The following SLC24A2 variants were observed in gnomAD, a reference collection of about 807,000 sequenced individuals.
The protein encoded by SLC24A2 is sodium/potassium/calcium exchanger 2.
In SLC24A2, 36 loss-of-function variants were observed where a neutral mutation model predicts 62.0. That is an observed-to-expected ratio of 0.58 (90% confidence interval 0.44 to 0.77). The LOEUF is 0.77. Among genes scored for constraint, SLC24A2 ranks in the 30% least tolerant of loss-of-function variants. The pLI is 0.00. For synonymous variants in SLC24A2, 358 were observed against 294.0 expected, an observed-to-expected ratio of 1.22 and a Z score of -2.23; for missense variants, 846 against 817.9, an observed-to-expected ratio of 1.03 and a Z score of -0.42.
chr9:20,237,867 C>T, the SLC24A2 span, among the ~76,000 whole-genome samples: 1 of 152,134 alleles, frequency 6.6e-6, no homozygotes, highest in Non-Finnish European at 1.5e-5. Flanking sequence ...TCCTCATTTC[C>T]CTAGTGTTGA....
intron 2 of SLC24A2, among the ~76,000 whole-genome samples, chr9:19,760,901 C>A (rs1822301694): frequency 7.9e-6 from 1 of 126,702 alleles, no homozygotes; most frequent in South Asian, 2.6e-4. Flanking sequence ...CATCACACAC[C>A]AGGGCCTGTT....
chr9:19,602,292 C>G (rs745708826), intron 4 of SLC24A2, among the ~76,000 whole-genome samples: 10 of 152,162 alleles, frequency 6.6e-5, no homozygotes, highest in Non-Finnish European at 1.3e-4. Flanking sequence ...ACCCATCATT[C>G]TATGATTGGG....
the SLC24A2 span, among the ~76,000 whole-genome samples, chr9:20,042,185 G>T: frequency 6.6e-6 from 1 of 152,212 alleles, no homozygotes; most frequent in South Asian, 2.1e-4. Context: ...CATGAGTCCA[G>T]CACTTTCCAG....
intron 2 of SLC24A2, among the ~76,000 whole-genome samples, chr9:19,636,310 TTTTC>T (rs1818324060): frequency 2.9e-5 from 1 of 34,182 alleles, no homozygotes; most frequent in Non-Finnish European, 5.5e-5. Context: ...TTTTCTTTTC[TTTTC>T]TTTTCTTTCT....
Position 19,706,674 on chromosome 9 carries a change from G to A in SLC24A2, c.930+79263C>T, listed in dbSNP as rs561926562. On this transcript the variant is annotated intron_variant, in intron 2 of 10. Coordinates refer to ENST00000341998, the MANE Select transcript of SLC24A2 (RefSeq NM_020344.4). ...ATTACAGGCGTGAGCCACCGCGCCC[G>A]GCCGGGTCTTGATTCTTTATCCAAT... 8.5e-5 allele frequency among the ~76,000 whole-genome samples: 13 copies of A among 152,172 alleles called. No homozygotes were observed. In the East Asian group the frequency reaches 2.3e-3, roughly 27 times the overall value.
At chr9:19,709,105 G>GAC (rs928906886) in intron 2 of SLC24A2, among the ~76,000 whole-genome samples, 5 of 152,128 alleles carry the variant, frequency 3.3e-5, no homozygotes, top group African/African-American at 4.8e-5. Flanking sequence ...GATATGAACA[G>GAC]ACACTTCTCA....
intron 8 of SLC24A2, among the ~76,000 whole-genome samples, chr9:19,539,178 G>A (rs1449999278): frequency 7.5e-4 from 51 of 68,372 alleles, no homozygotes; most frequent in African/African-American, 2.8e-3. Context: ...TTGATTTTTT[G>A]AAGGGTTTTT....
chr9:19,835,776 C>G, the SLC24A2 span, among the ~76,000 whole-genome samples: 14 of 152,146 alleles, frequency 9.2e-5, no homozygotes, highest in Non-Finnish European at 1.6e-4. Flanking sequence ...AATATACATT[C>G]TTTTCAGCAC....
Position 19,740,939 on chromosome 9 carries a change from T to C in SLC24A2, c.930+44998A>G, listed in dbSNP as rs1275510246. Among the ~76,000 whole-genome samples the C allele has an allele frequency of 2.6e-5, 4 of 151,960 alleles. No individual in the cohort carries two copies. In the East Asian group the frequency reaches 7.7e-4, roughly 29 times the overall value. On this transcript the variant is annotated intron_variant, in intron 2 of 10. Coordinates refer to ENST00000341998, the MANE Select transcript of SLC24A2 (RefSeq NM_020344.4). ...ACAACAGCCTCATCATGGTTTTTAC[T>C]GGCCTCTCTCACTGAACCATTGAAT...
At chr9:20,175,165 G>A in the SLC24A2 span, among the ~76,000 whole-genome samples, 9 of 151,870 alleles carry the variant, frequency 5.9e-5, no homozygotes, top group East Asian at 3.9e-4. Context: ...GTTCTCACTC[G>A]TAAGTGGGAG....
intron 7 of SLC24A2, among the ~76,000 whole-genome samples, chr9:19,564,552 C>T (rs926021915): frequency 3.1e-5 from 2 of 65,522 alleles, no homozygotes; most frequent in Non-Finnish European, 4.1e-5. Context: ...ATCTATCTGT[C>T]TATCAATCAA....
chr9:20,251,699 CAAAA>C, the SLC24A2 span, among the ~76,000 whole-genome samples: 2 of 152,052 alleles, frequency 1.3e-5, no homozygotes, highest in Admixed American at 1.3e-4. Flanking sequence ...TTGATTCAAA[CAAAA>C]AAATATTTCT....
chr9:19,742,479 G>A (rs1170612121), intron 2 of SLC24A2, among the ~76,000 whole-genome samples: 2 of 152,100 alleles, frequency 1.3e-5, no homozygotes, highest in Non-Finnish European at 2.9e-5. Context: ...CCTAAGTTAG[G>A]AACTTCAGGA....
intron 5 of SLC24A2, among the ~76,000 whole-genome samples, chr9:19,589,524 A>T (rs764798601): frequency 6.6e-6 from 1 of 152,212 alleles, no homozygotes; most frequent in Non-Finnish European, 1.5e-5. Context: ...AAATTAATCC[A>T]TGATTTAAGA....
chr9:20,271,415 G>C, the SLC24A2 span, among the ~76,000 whole-genome samples: 4 of 152,208 alleles, frequency 2.6e-5, no homozygotes, highest in East Asian at 7.7e-4. Flanking sequence ...TGCTGGGCTA[G>C]TGGGTTTTGC....
At chr9:19,873,384 TTCTC>T in the SLC24A2 span, among the ~76,000 whole-genome samples, 11 of 150,922 alleles carry the variant, frequency 7.3e-5, no homozygotes, top group African/African-American at 2.4e-4. Context: ...TTCTTTCTCT[TTCTC>T]TCTCTCCTTC....
At chr9:20,180,598 G>A in the SLC24A2 span, among the ~76,000 whole-genome samples, 1 of 152,006 alleles carries the variant, frequency 6.6e-6, no homozygotes, top group Non-Finnish European at 1.5e-5. Context: ...GAGATTATTG[G>A]CATGGCTGAA....
the SLC24A2 span, among the ~76,000 whole-genome samples, chr9:20,008,886 C>T: frequency 2.6e-5 from 4 of 152,052 alleles, no homozygotes; most frequent in South Asian, 2.1e-4. Context: ...AGGAGTTCTC[C>T]GGCTTCACTC....
chr9:20,026,817 C>T, the SLC24A2 span, among the ~76,000 whole-genome samples: 99,449 of 151,928 alleles, frequency 0.65, 33,313 homozygotes, highest in East Asian at 0.95. Context: ...AAGCAAAAAA[C>T]AGACAAATGG....
Sources: gnomAD v4.1 joint callset for allele counts (sites outside exome capture counted in the v4.1 genomes callset) on GRCh38, gnomAD v4.1.1 for gene constraint, MANE v1.5 for transcripts, NCBI Gene and HGNC (gene_info 2026-07-23, HGNC 2026-07-21) for gene names.